Variants in NDFIP2 observed in about 807,000 individuals in gnomAD.
The protein encoded by NDFIP2 is Nedd4 family interacting protein 2.
In NDFIP2, 19 loss-of-function variants were observed where a neutral mutation model predicts 36.0. The ratio of observed to expected loss-of-function variants is 0.53; its 90% confidence interval spans 0.37 to 0.77. The LOEUF (loss-of-function observed/expected upper bound fraction) is 0.77. Ranked by LOEUF, NDFIP2 falls within the 30% of genes least tolerant of loss-of-function variation. The pLI is 0.00. For missense variants in NDFIP2, 446 were observed against 435.8 expected, an observed-to-expected ratio of 1.02 and a Z score of -0.21; for synonymous variants, 181 against 167.7, an observed-to-expected ratio of 1.08 and a Z score of -0.61.
chr13:79,538,270 T>C (rs1237315342), intron 3 of NDFIP2, among the ~76,000 whole-genome samples: 1 of 152,132 alleles, frequency 6.6e-6, no homozygotes, highest in Non-Finnish European at 1.5e-5. Flanking sequence ...CATATAATTC[T>C]GTCCCTGGCC....
chr13:79,485,036 G>C (rs1453229666), intron 1 of NDFIP2, among the ~76,000 whole-genome samples: 1 of 152,156 alleles, frequency 6.6e-6, no homozygotes, highest in Non-Finnish European at 1.5e-5. Flanking sequence ...GTGACCTCCA[G>C]GTTAAAGACT....
chr13:79,510,381 T>G (rs1874037631), intron 1 of NDFIP2, among the ~76,000 whole-genome samples: 1 of 148,646 alleles, frequency 6.7e-6, no homozygotes, highest in East Asian at 1.9e-4. Context: ...TGATTTTTTT[T>G]GTTTTTTTTT....
chr13:79,542,580 A>C lies in NDFIP2; in HGVS notation c.716-978A>C, dbSNP rs917465579. Among the ~76,000 whole-genome samples, 3 of 150,038 alleles carry C rather than the reference A, an allele frequency of 2.0e-5. No individual in the cohort carries two copies. The South Asian group carries it at 6.3e-4, about 31-fold the overall frequency. On this transcript the variant is annotated intron_variant, in intron 4 of 7. Coordinates refer to ENST00000218652, the MANE Select transcript of NDFIP2 (RefSeq NM_019080.3). ...ATTGTGGTTTAATTTTTATTTCCCTAACAATTGATGTTAAGCATCTTTATT... is the reference window on the plus strand; with the variant it reads ...ATTGTGGTTTAATTTTTATTTCCCTCACAATTGATGTTAAGCATCTTTATT...
intron 5 of NDFIP2, among the ~76,000 whole-genome samples, 173 bp downstream of exon 5, chr13:79,543,855 C>T (rs1475516907): frequency 6.6e-6 from 1 of 152,110 alleles, no homozygotes; most frequent in African/African-American, 2.4e-5. Flanking sequence ...CACTTTATAA[C>T]TTTATCATAT....
intron 4 of NDFIP2, among the ~76,000 whole-genome samples, chr13:79,542,764 C>T (rs561100197): frequency 3.9e-5 from 6 of 152,174 alleles, no homozygotes; most frequent in African/African-American, 1.4e-4. Flanking sequence ...TTTTACATGA[C>T]ATTACATAGC....
Position 79,555,388 on chromosome 13 carries a change from C to T in NDFIP2, c.*2875C>T, listed in dbSNP as rs976155828. 1 of 151,292 alleles carries T rather than the reference C, an allele frequency of 6.6e-6. No individual in the cohort carries two copies. Among genetic ancestry groups the T allele is most frequent in the Non-Finnish European group, 1.5e-5 (1 of 67,792 alleles). The allele number at this position is 151,292 out of a possible 1,614,324, so 9.4% of individuals were successfully genotyped here. A position where few individuals can be genotyped will look rare whatever the true frequency, so the allele number is the denominator to read the frequency against. ...CAGCTTAATAGTGCCTCATCGTACT[C>T]TCAAAAGTGTTCTAATTTGGAGGAT... On this transcript the variant is annotated 3_prime_UTR_variant, in exon 8 of 8. Transcript: ENST00000218652.
chr13:79,533,332 T>C lies in NDFIP2; in HGVS notation c.497T>C (p.Val166Ala). The C allele has an allele frequency of 6.3e-7, 1 of 1,599,932 alleles. No individual in the cohort carries two copies. The change falls in exon 3 of 8, where the codon GTT (valine) becomes GCT (alanine). Residue 166 changes from valine (V) to alanine (A), a missense_variant. Transcript: ENST00000218652. ...VEVPTTSDTE[V>A]YGEFYPVPPP... ...TGAATTCTTTCTTCAGATACAGAAG[T>C]TTACGGTGAGTTTTATCCCGTGCCA...
intron 3 of NDFIP2, 112 bp downstream of exon 3, chr13:79,533,568 T>C (rs1210311021): frequency 2.1e-6 from 2 of 962,134 alleles, no homozygotes; most frequent in Non-Finnish European, 2.9e-6. Context: ...AGATTTTTTT[T>C]GAGCATTATG....
intron 2 of NDFIP2, among the ~76,000 whole-genome samples, chr13:79,530,633 G>C (rs187327236): frequency 1.3e-5 from 2 of 152,276 alleles, no homozygotes; most frequent in East Asian, 3.9e-4. Flanking sequence ...TCATTTCAAC[G>C]ATGTTCACAG....
chr13:79,521,639 A>C (rs372555112), intron 2 of NDFIP2, among the ~76,000 whole-genome samples: 1 of 152,146 alleles, frequency 6.6e-6, no homozygotes, highest in Non-Finnish European at 1.5e-5. Flanking sequence ...AACATCATCT[A>C]CTGCTCTCAA....
intron 2 of NDFIP2, among the ~76,000 whole-genome samples, chr13:79,525,378 T>C (rs1484211963): frequency 6.6e-6 from 1 of 152,206 alleles, no homozygotes; most frequent in Non-Finnish European, 1.5e-5. Context: ...ATTTCACAGA[T>C]AGAAGATTCG....
At chr13:79,529,126 A>G (rs1874913205) in intron 2 of NDFIP2, among the ~76,000 whole-genome samples, 1 of 152,310 alleles carries the variant, frequency 6.6e-6, no homozygotes, top group African/African-American at 2.4e-5. Context: ...TGGATGAGAA[A>G]GTGGAGCTTC....
rs553830209 is a variant in NDFIP2 at position 79,525,401 on chromosome 13, A to C, written c.487+4426A>C. On this transcript the variant is annotated intron_variant, in intron 2 of 7. Transcript: ENST00000218652. ...GATAGAAGATTCGTTTTTACTGTAGATCTTAGCAACCTCAGCCTACGTTTT... is the reference window on the plus strand; with the variant it reads ...GATAGAAGATTCGTTTTTACTGTAGCTCTTAGCAACCTCAGCCTACGTTTT... 5.9e-5 allele frequency among the ~76,000 whole-genome samples: 9 copies of C among 152,322 alleles called. 1 individual carries two copies. The South Asian group carries it at 1.7e-3, about 28-fold the overall frequency.
chr13:79,544,733 A>G (rs1030621524), intron 5 of NDFIP2, among the ~76,000 whole-genome samples: 1 of 152,106 alleles, frequency 6.6e-6, no homozygotes, highest in African/African-American at 2.4e-5. Flanking sequence ...TCACTTTAAT[A>G]ATATATATTA....
intron 4 of NDFIP2, among the ~76,000 whole-genome samples, chr13:79,542,503 CTGTTTTT>C (rs888820373): frequency 4.2e-5 from 6 of 144,158 alleles, no homozygotes; most frequent in Non-Finnish European, 8.9e-5. Context: ...TTGTGTTGTT[CTGTTTTT>C]TGTTTTTTTT....
chr13:79,540,578 T>G (rs1176235614), intron 4 of NDFIP2, among the ~76,000 whole-genome samples: 1 of 152,192 alleles, frequency 6.6e-6, no homozygotes, highest in African/African-American at 2.4e-5. Flanking sequence ...GCTGATTTAA[T>G]TCAATTTAGT....
chr13:79,526,484 G>T (rs1462442194), intron 2 of NDFIP2, among the ~76,000 whole-genome samples: 1 of 152,200 alleles, frequency 6.6e-6, no homozygotes, highest in Non-Finnish European at 1.5e-5. Context: ...GGAAGAAGTT[G>T]TCTATGCTGA....
chr13:79,554,743 G>C lies in NDFIP2; in HGVS notation c.*2230G>C, dbSNP rs1399684153. On this transcript the variant is annotated 3_prime_UTR_variant, in exon 8 of 8. Coordinates refer to ENST00000218652, the MANE Select transcript of NDFIP2 (RefSeq NM_019080.3). ...CTGCTGTTGTGTTTTGGGGATGCTTGATCATCTTTGCACTCTGCCTTAAAG... is the reference window on the plus strand; with the variant it reads ...CTGCTGTTGTGTTTTGGGGATGCTTCATCATCTTTGCACTCTGCCTTAAAG... 1.3e-5 allele frequency: 2 copies of C among 151,836 alleles called. No homozygotes were observed. The highest frequency in any genetic ancestry group is 2.9e-5 in the Non-Finnish European group (2 of 67,798). 9.4% of individuals were successfully genotyped at this position (151,836 alleles called of 1,614,324 possible).
At chr13:79,489,176 A>G (rs1473444082) in intron 1 of NDFIP2, among the ~76,000 whole-genome samples, 1 of 152,156 alleles carries the variant, frequency 6.6e-6, no homozygotes, top group African/African-American at 2.4e-5. Flanking sequence ...TACTCCACAT[A>G]GTGTTAGCTA....
Sources: allele counts gnomAD v4.1 joint callset (sites outside exome capture counted in the v4.1 genomes callset), GRCh38; gene constraint gnomAD v4.1.1; transcripts MANE v1.5; gene names NCBI Gene and HGNC (gene_info 2026-07-23, HGNC 2026-07-21).